ESRRG: variants seen among roughly 807,000 people sequenced by gnomAD.
ESRRG encodes estrogen-related receptor gamma.
Under a neutral mutation model 44.0 loss-of-function variants are expected in ESRRG, and 13 were observed. The ratio of observed to expected loss-of-function variants is 0.30; its 90% CI spans 0.19 to 0.47. The LOEUF (loss-of-function observed/expected upper bound fraction) is 0.47, where lower values mean the gene tolerates loss of function less well. Ranked by LOEUF, ESRRG falls within the 20% of genes least tolerant of loss-of-function variation. ESRRG has a pLI of 1.00. For missense variants in ESRRG, 395 were observed against 580.6 expected (o/e 0.68, Z 3.29); for synonymous variants, 215 against 214.6 (o/e 1.00, Z -0.02).
At chr1:216,965,826 G>A (rs1479246398) in intron 1 of ESRRG, among the ~76,000 whole-genome samples, 1 of 152,156 alleles carries the variant, frequency 6.6e-6, no homozygotes, top group Admixed American at 6.5e-5. Context: ...ATGTTGCCAT[G>A]GTCTGGTGCA....
intron 2 of ESRRG, among the ~76,000 whole-genome samples, chr1:216,880,159 T>C (rs1047316888): frequency 5.3e-5 from 8 of 151,168 alleles, no homozygotes; most frequent in Admixed American, 2.0e-4. Flanking sequence ...ATACAAAAAT[T>C]AGCCAGGCAT....
chr1:216,800,842 C>T (rs906065087), intron 2 of ESRRG, among the ~76,000 whole-genome samples: 1 of 152,050 alleles, frequency 6.6e-6, no homozygotes, highest in Admixed American at 6.6e-5. Flanking sequence ...AAGTCCTGTG[C>T]TAAAGAAACA....
chr1:216,638,618 G>T (rs2065783316), intron 3 of ESRRG, among the ~76,000 whole-genome samples: 1 of 152,074 alleles, frequency 6.6e-6, no homozygotes, highest in African/African-American at 2.4e-5. Context: ...ATAAACGCTG[G>T]TGAAATTCTG....
intron 3 of ESRRG, among the ~76,000 whole-genome samples, chr1:216,586,581 C>CTTTTTT (rs752769234): frequency 4.0e-5 from 5 of 124,130 alleles, no homozygotes; most frequent in Admixed American, 8.4e-5. Flanking sequence ...AACTTTTGGG[C>CTTTTTT]TTTTTTTTTT....
chr1:217,053,810 C>T (rs1363760386), intron 1 of ESRRG, among the ~76,000 whole-genome samples: 2 of 152,018 alleles, frequency 1.3e-5, no homozygotes, highest in East Asian at 3.9e-4. Flanking sequence ...TATCACCAGA[C>T]ATGGGGGCAA....
chr1:217,038,562 C>T (rs2083311713), intron 1 of ESRRG, among the ~76,000 whole-genome samples: 1 of 152,218 alleles, frequency 6.6e-6, no homozygotes, highest in Non-Finnish European at 1.5e-5. Flanking sequence ...CAAGCTGTAC[C>T]TTGGTCCCTT....
At chr1:216,869,481 T>A (rs2096228164) in intron 2 of ESRRG, among the ~76,000 whole-genome samples, 2 of 152,166 alleles carry the variant, frequency 1.3e-5, no homozygotes, top group Non-Finnish European at 2.9e-5. Context: ...TCAGAAAGTA[T>A]GATTCCTTTA....
At chr1:216,569,702 C>G (rs1024496573) in intron 3 of ESRRG, among the ~76,000 whole-genome samples, 2 of 152,098 alleles carry the variant, frequency 1.3e-5, no homozygotes, top group African/African-American at 4.8e-5. Flanking sequence ...ATTGATATAA[C>G]AATGTAAAAG....
chr1:216,799,062 C>A (rs1260329669), intron 2 of ESRRG, among the ~76,000 whole-genome samples: 1 of 152,014 alleles, frequency 6.6e-6, no homozygotes, highest in African/African-American at 2.4e-5. Context: ...ATTTTCATAA[C>A]CATTATTCTT....
upstream of ESRRG, among the ~76,000 whole-genome samples, chr1:217,092,274 G>T (rs1231768821): frequency 6.6e-6 from 1 of 152,132 alleles, no homozygotes; most frequent in Admixed American, 6.6e-5. Flanking sequence ...AGCATGTTCA[G>T]TTTCACTTCC....
At chr1:216,596,239 G>A (rs925952076) in intron 3 of ESRRG, among the ~76,000 whole-genome samples, 3 of 152,174 alleles carry the variant, frequency 2.0e-5, no homozygotes, top group Non-Finnish European at 4.4e-5. Flanking sequence ...CACTGCGAGA[G>A]CTTTTCATCT....
chr1:216,718,086 T>G (rs1213808212), intron 1 of ESRRG, among the ~76,000 whole-genome samples: 3 of 151,870 alleles, frequency 2.0e-5, no homozygotes, highest in Non-Finnish European at 4.4e-5. Context: ...ACAAATTGAC[T>G]TACTAGGTTA....
chr1:216,529,039 T>C (rs935098350), intron 5 of ESRRG, among the ~76,000 whole-genome samples: 1 of 152,168 alleles, frequency 6.6e-6, no homozygotes, highest in Non-Finnish European at 1.5e-5. Context: ...CAGGTGTTAA[T>C]GTAATTTAAA....
intron 2 of ESRRG, among the ~76,000 whole-genome samples, chr1:216,660,909 TCAGG>T (rs2072176821): frequency 6.6e-6 from 1 of 152,118 alleles, no homozygotes; most frequent in African/African-American, 2.4e-5. Context: ...GCAACAGGTG[TCAGG>T]TTGTACACAA....
intron 3 of ESRRG, among the ~76,000 whole-genome samples, chr1:216,642,070 C>A (rs936620585): frequency 6.6e-6 from 1 of 152,168 alleles, no homozygotes; most frequent in Non-Finnish European, 1.5e-5. Context: ...CAAATACATA[C>A]ATGAATATTT....
At chr1:216,789,773 T>G (rs915949099) in intron 2 of ESRRG, among the ~76,000 whole-genome samples, 16 of 152,136 alleles carry the variant, frequency 1.1e-4, no homozygotes, top group Non-Finnish European at 1.6e-4. Context: ...TTTCTTTCAC[T>G]GGTAGAAATA....
intron 1 of ESRRG, among the ~76,000 whole-genome samples, chr1:217,008,289 C>A (rs969808655): frequency 1.3e-5 from 2 of 152,210 alleles, no homozygotes; most frequent in South Asian, 2.1e-4. Context: ...AGTAGCAGAA[C>A]TAAGATCTGG....
At chr1:216,925,205 G>A (rs1204194738) in intron 2 of ESRRG, among the ~76,000 whole-genome samples, 1 of 152,120 alleles carries the variant, frequency 6.6e-6, no homozygotes, top group Non-Finnish European at 1.5e-5. Context: ...TTGGGAGGCC[G>A]AGGCGGGCAG....
chr1:216,752,420 A>T (rs1304952805), intron 2 of ESRRG, among the ~76,000 whole-genome samples: 1 of 151,996 alleles, frequency 6.6e-6, no homozygotes, highest in African/African-American at 2.4e-5. Flanking sequence ...CCTCTAAAGA[A>T]CAAAAAATAA....
Sources: gnomAD v4.1 joint callset for allele counts (sites outside exome capture counted in the v4.1 genomes callset) on GRCh38, gnomAD v4.1.1 for gene constraint, MANE v1.5 for transcripts, NCBI Gene and HGNC (gene_info 2026-07-23, HGNC 2026-07-21) for gene names.